STPG2: variants seen among roughly 807,000 people sequenced by gnomAD.
The protein encoded by STPG2 is sperm-tail PG-rich repeat-containing protein 2.
Under a neutral mutation model 54.2 loss-of-function variants are expected in STPG2, and 56 were observed. The ratio of observed to expected loss-of-function variants is 1.03; its 90% CI spans 0.83 to 1.29. STPG2 has a LOEUF of 1.29. Among genes scored for constraint, STPG2 ranks in the 50% most tolerant of loss-of-function variants. STPG2 has a pLI of 0.00. For synonymous variants in STPG2, 200 were observed against 181.8 expected, an observed-to-expected ratio of 1.10 and a Z score of -0.81; for missense variants, 596 against 544.9, an observed-to-expected ratio of 1.09 and a Z score of -0.93.
chr4:97,459,497 T>C (rs1729609122), intron 4 of STPG2, among the ~76,000 whole-genome samples: 1 of 149,076 alleles, frequency 6.7e-6, no homozygotes, highest in Non-Finnish European at 1.5e-5. Context: ...TGGAGTGCAG[T>C]GGCGTGATCT....
chr4:97,457,838 G>T (rs1226082523), intron 4 of STPG2, among the ~76,000 whole-genome samples: 1 of 152,192 alleles, frequency 6.6e-6, no homozygotes, highest in East Asian at 1.9e-4. Context: ...GAGGAATGGG[G>T]TGATGTTAAA....
chr4:97,453,206 G>A (rs1729422772), intron 4 of STPG2, among the ~76,000 whole-genome samples: 1 of 152,228 alleles, frequency 6.6e-6, no homozygotes, highest in Non-Finnish European at 1.5e-5. Context: ...ATGTTCTGGA[G>A]CCAGCAGGGG....
intron 7 of STPG2, among the ~76,000 whole-genome samples, chr4:97,948,737 A>G (rs546920083): frequency 1.3e-5 from 2 of 152,084 alleles, no homozygotes; most frequent in East Asian, 3.9e-4. Context: ...TTTCTTCTGG[A>G]GTTGATTTCT....
At position 97,997,754 on chromosome 4, in the gene STPG2, A is replaced by G. The variant is rs567030082; in HGVS notation, c.613-16436T>C. Among the ~76,000 whole-genome samples, 46 of 152,320 alleles carry G rather than the reference A, an allele frequency of 3.0e-4. No homozygotes were observed. The South Asian group carries it at 9.1e-3, about 30-fold the overall frequency. Reference sequence around the variant, plus strand: ...GTCATTATCCTAAATGAACTAACACAGGAACAGAAAACCAAATACTACATG... The same window carrying G: ...GTCATTATCCTAAATGAACTAACACGGGAACAGAAAACCAAATACTACATG... On this transcript the variant is annotated intron_variant, in intron 5 of 10. Coordinates refer to ENST00000295268, the MANE Select transcript of STPG2 (RefSeq NM_174952.3).
chr4:98,001,788 A>T (rs1735422307), intron 5 of STPG2, among the ~76,000 whole-genome samples: 1 of 152,106 alleles, frequency 6.6e-6, no homozygotes, highest in African/African-American at 2.4e-5. Context: ...TTTTAAGTCA[A>T]ACTGGAAGTC....
chr4:97,697,601 C>T (rs1420585078), intron 10 of STPG2, among the ~76,000 whole-genome samples: 2 of 152,052 alleles, frequency 1.3e-5, no homozygotes, highest in Admixed American at 1.3e-4. Flanking sequence ...CTTGCAAAAA[C>T]AAAAAGGGGG....
intron 9 of STPG2, among the ~76,000 whole-genome samples, chr4:97,714,818 C>A (rs190136559): frequency 1.3e-5 from 2 of 151,850 alleles, no homozygotes; most frequent in African/African-American, 4.8e-5. Flanking sequence ...TAGTTTTAAC[C>A]GTAAAGATAT....
intron 5 of STPG2, among the ~76,000 whole-genome samples, chr4:98,002,844 A>G (rs903796436): frequency 1.3e-5 from 2 of 152,114 alleles, no homozygotes; most frequent in African/African-American, 4.8e-5. Context: ...GCACATGAAG[A>G]TCATCAATTT....
intron 5 of STPG2, among the ~76,000 whole-genome samples, chr4:98,044,705 G>A (rs918543676): frequency 3.9e-5 from 6 of 152,164 alleles, no homozygotes; most frequent in Admixed American, 3.9e-4. Context: ...CCAATAAACA[G>A]TCTATTGGGA....
intron 4 of STPG2, among the ~76,000 whole-genome samples, chr4:97,442,664 C>T (rs987592623): frequency 2.6e-5 from 4 of 151,898 alleles, no homozygotes; most frequent in Admixed American, 1.3e-4. Context: ...CAGAGGGCTT[C>T]GAATGGAAGT....
chr4:98,076,842 C>G (rs1220246903), intron 5 of STPG2, among the ~76,000 whole-genome samples: 1 of 152,086 alleles, frequency 6.6e-6, no homozygotes, highest in African/African-American at 2.4e-5. Flanking sequence ...TCAATTAAAA[C>G]CTACATATAC....
chr4:97,750,764 G>A (rs556180175), intron 9 of STPG2, among the ~76,000 whole-genome samples: 1 of 151,782 alleles, frequency 6.6e-6, no homozygotes, highest in South Asian at 2.1e-4. Context: ...GAAGCAGAGA[G>A]AAAAGAAAAG....
At chr4:97,594,962 G>A (rs1169242665) in intron 10 of STPG2, among the ~76,000 whole-genome samples, 2 of 152,176 alleles carry the variant, frequency 1.3e-5, no homozygotes, top group Non-Finnish European at 2.9e-5. Context: ...AGGTGCTGGA[G>A]AGGATGTGGA....
At chr4:97,945,035 G>A (rs1022214465) in intron 7 of STPG2, among the ~76,000 whole-genome samples, 10 of 152,116 alleles carry the variant, frequency 6.6e-5, no homozygotes, top group African/African-American at 2.4e-4. Flanking sequence ...ATTGTTTGAA[G>A]CTGAAAAATA....
intron 8 of STPG2, among the ~76,000 whole-genome samples, chr4:97,903,598 A>G (rs1731265352): frequency 6.6e-6 from 1 of 152,202 alleles, no homozygotes; most frequent in African/African-American, 2.4e-5. Context: ...ACAAAAAAAG[A>G]GGGGAAGGAG....
chr4:97,485,284 G>T (rs1472270404), intron 4 of STPG2, among the ~76,000 whole-genome samples: 24 of 151,666 alleles, frequency 1.6e-4, no homozygotes. Context: ...GTTTGCTGAC[G>T]ATATGATTGT....
chr4:97,674,782 T>A (rs757090045), intron 10 of STPG2, among the ~76,000 whole-genome samples: 1 of 152,188 alleles, frequency 6.6e-6, no homozygotes, highest in Non-Finnish European at 1.5e-5. Context: ...TTCAAATAAC[T>A]TTGATCTAAG....
intron 4 of STPG2, among the ~76,000 whole-genome samples, chr4:97,486,517 T>C (rs970767012): frequency 2.6e-5 from 4 of 151,480 alleles, no homozygotes; most frequent in Non-Finnish European, 5.9e-5. Context: ...CAAAAAACAG[T>C]AGATGTTGGC....
At chr4:97,941,465 C>T (rs1360318488) in intron 8 of STPG2, among the ~76,000 whole-genome samples, 2 of 152,014 alleles carry the variant, frequency 1.3e-5, no homozygotes, top group Non-Finnish European at 1.5e-5. Context: ...TGTTCATCCT[C>T]CATTTGTCAC....
Sources: allele counts gnomAD v4.1 joint callset (sites outside exome capture counted in the v4.1 genomes callset), GRCh38; gene constraint gnomAD v4.1.1; transcripts MANE v1.5; gene names NCBI Gene and HGNC (gene_info 2026-07-23, HGNC 2026-07-21).